ERBB4: variants seen among roughly 807,000 people sequenced by gnomAD.
ERBB4 encodes erb-b2 receptor tyrosine kinase 4.
A neutral mutation model predicts 158.0 loss-of-function variants in ERBB4; 42 were observed. That is an observed-to-expected ratio of 0.27 (90% CI 0.21 to 0.34). The LOEUF is 0.34. ERBB4 is among the 10% of genes least tolerant of loss of function. The pLI, the probability that ERBB4 is intolerant of heterozygous loss-of-function variation, is 1.00. For synonymous variants in ERBB4, 583 were observed against 558.7 expected (o/e 1.04, Z -0.61); for missense variants, 1,333 against 1,624.1 (o/e 0.82, Z 3.08).
chr2:212,463,704 T>A (rs1256889129), intron 1 of ERBB4, among the ~76,000 whole-genome samples: 1 of 152,110 alleles, frequency 6.6e-6, no homozygotes, highest in Non-Finnish European at 1.5e-5. Flanking sequence ...ACTGACAATC[T>A]GAGAGGCACA....
intron 17 of ERBB4, among the ~76,000 whole-genome samples, chr2:211,628,662 T>C (rs2069963439): frequency 6.6e-6 from 1 of 152,234 alleles, no homozygotes; most frequent in South Asian, 2.1e-4. Context: ...CAGCATGATT[T>C]ATAATCCTTT....
chr2:211,676,247 G>C (rs2072065875), intron 13 of ERBB4, among the ~76,000 whole-genome samples: 1 of 152,170 alleles, frequency 6.6e-6, no homozygotes, highest in Non-Finnish European at 1.5e-5. Context: ...TCTTTTACAA[G>C]ATACGTAAGT....
chr2:212,393,374 A>G (rs1157268730), intron 1 of ERBB4, among the ~76,000 whole-genome samples: 2 of 152,106 alleles, frequency 1.3e-5, no homozygotes, highest in African/African-American at 4.8e-5. Context: ...TATATGAATC[A>G]AAACCACTGA....
chr2:212,097,424 G>A lies in ERBB4; in HGVS notation c.234+27328C>T, dbSNP rs148189064. Among the ~76,000 whole-genome samples, 828 of 152,200 alleles carry A rather than the reference G, an allele frequency of 5.4e-3. 5 individuals carry two copies. Among genetic ancestry groups the A allele is most frequent in the Non-Finnish European group, 9.4e-3 (639 of 67,992 alleles). ...AGCATAGGGAACTGATTTGACTAAG[G>A]GCCTGGATCCCTAGCTAAATGGTGG... On this transcript the variant is annotated intron_variant, in intron 2 of 27. Coordinates refer to ENST00000342788, the MANE Select transcript of ERBB4 (RefSeq NM_005235.3).
At chr2:212,219,207 A>G (rs2083205470) in intron 1 of ERBB4, among the ~76,000 whole-genome samples, 1 of 151,454 alleles carries the variant, frequency 6.6e-6, no homozygotes, top group Non-Finnish European at 1.5e-5. Context: ...AAAAATTGGT[A>G]AATGGTAGAA....
intron 1 of ERBB4, among the ~76,000 whole-genome samples, chr2:212,310,973 A>G (rs767229745): frequency 3.4e-4 from 51 of 150,708 alleles, no homozygotes; most frequent in Admixed American, 1.3e-4. Context: ...TCTGGCATCT[A>G]TTTTACATGT....
intron 2 of ERBB4, among the ~76,000 whole-genome samples, chr2:212,009,361 T>C (rs935570389): frequency 4.6e-5 from 7 of 151,494 alleles, no homozygotes; most frequent in Admixed American, 1.3e-4. Flanking sequence ...CATGTGAAGA[T>C]AGAGAAAGAG....
intron 1 of ERBB4, chr2:212,426,191 C>T: frequency 2.1e-6 from 1 of 466,330 alleles, no homozygotes; most frequent in Non-Finnish European, 4.2e-6. Flanking sequence ...TTATAGAAGG[C>T]TCCAAGCAAA....
At chr2:212,123,130 G>A (rs925923016) in intron 2 of ERBB4, among the ~76,000 whole-genome samples, 22 of 152,298 alleles carry the variant, frequency 1.4e-4, no homozygotes, top group Middle Eastern at 3.4e-3. Flanking sequence ...GGCCGGGCGC[G>A]GTGGCTCACG....
rs1281701616 is a variant in ERBB4 at position 211,581,436 on chromosome 2, G to A, written c.2302-19348C>T. Among the ~76,000 whole-genome samples the A allele has an allele frequency of 2.6e-5, 4 of 152,064 alleles. No homozygotes were observed. The East Asian group carries it at 7.7e-4, about 29-fold the overall frequency. ...GAAAGATAATTATCACAAAATATAG[G>A]AAGTACATCTACCTGCCTGCTCACC... On this transcript the variant is annotated intron_variant, in intron 19 of 27. Transcript: ENST00000342788.
At chr2:211,686,270 A>C (rs1282445971) in intron 12 of ERBB4, among the ~76,000 whole-genome samples, 3 of 152,102 alleles carry the variant, frequency 2.0e-5, no homozygotes, top group Non-Finnish European at 4.4e-5. Context: ...AAGGGGAGAA[A>C]CTTACTCTGA....
At chr2:211,693,858 A>G (rs2106005388) in intron 12 of ERBB4, among the ~76,000 whole-genome samples, 1 of 152,258 alleles carries the variant, frequency 6.6e-6, no homozygotes, top group South Asian at 2.1e-4. Context: ...AGAATGTTCT[A>G]TGGTCCTCCC....
In ERBB4 at chr2:211,432,611, A is replaced by C. The variant is rs986598720; in HGVS notation, c.2488-1511T>G. Reference sequence around the variant, plus strand: ...CTTATATGACTTAAAGGATCAAAAAAAAAAAAAAACAAATAAATGCATTGC... The same window carrying C: ...CTTATATGACTTAAAGGATCAAAAACAAAAAAAAACAAATAAATGCATTGC... On this transcript the variant is annotated intron_variant, in intron 20 of 27. Transcript: ENST00000342788. Among the ~76,000 whole-genome samples, 566 of 152,160 alleles carry C rather than the reference A, an allele frequency of 3.7e-3. 5 individuals are homozygous for C. The highest frequency in any genetic ancestry group is 0.013 in the African/African-American group (540 of 41,516).
At chr2:211,599,988 A>T (rs2068751325) in intron 19 of ERBB4, among the ~76,000 whole-genome samples, 1 of 152,124 alleles carries the variant, frequency 6.6e-6, no homozygotes, top group Non-Finnish European at 1.5e-5. Flanking sequence ...GGATGACAAG[A>T]TCATTTGCTT....
intron 1 of ERBB4, among the ~76,000 whole-genome samples, chr2:212,308,785 G>C (rs2086909727): frequency 6.6e-6 from 1 of 150,866 alleles, no homozygotes; most frequent in African/African-American, 2.4e-5. Flanking sequence ...TATTCAATAG[G>C]CTTAACATTC....
At chr2:211,626,715 G>C (rs976036920) in intron 17 of ERBB4, among the ~76,000 whole-genome samples, 5 of 152,014 alleles carry the variant, frequency 3.3e-5, no homozygotes, top group Non-Finnish European at 7.4e-5. Flanking sequence ...ACGAGGTCAG[G>C]AGATCGAGAC....
At chr2:212,297,645 T>C (rs1483950666) in intron 1 of ERBB4, among the ~76,000 whole-genome samples, 2 of 129,194 alleles carry the variant, frequency 1.5e-5, no homozygotes, top group East Asian at 2.0e-4. Context: ...TACTAAAAAA[T>C]AAACTTTTAC....
chr2:211,549,453 G>A (rs776377147), intron 20 of ERBB4, among the ~76,000 whole-genome samples: 11 of 152,008 alleles, frequency 7.2e-5, no homozygotes, highest in Non-Finnish European at 1.6e-4. Flanking sequence ...AAAAGTGCTC[G>A]GCTTCTCAAG....
intron 1 of ERBB4, among the ~76,000 whole-genome samples, chr2:212,418,731 T>C (rs920614643): frequency 6.6e-6 from 1 of 151,754 alleles, no homozygotes; most frequent in Admixed American, 6.6e-5. Flanking sequence ...ATTAAATAAC[T>C]ATAATTAGAA....
Sources: allele counts gnomAD v4.1 joint callset (sites outside exome capture counted in the v4.1 genomes callset), GRCh38; gene constraint gnomAD v4.1.1; transcripts MANE v1.5; gene names NCBI Gene and HGNC (gene_info 2026-07-23, HGNC 2026-07-21).